ACTC1: variants seen among roughly 807,000 people sequenced by gnomAD.
The protein encoded by ACTC1 is actin alpha cardiac muscle 1.
A neutral mutation model predicts 31.6 loss-of-function variants in ACTC1; 10 were observed. That is an observed-to-expected ratio of 0.32 (90% CI 0.19 to 0.54). The LOEUF (loss-of-function observed/expected upper bound fraction) is 0.54, where lower values mean the gene tolerates loss of function less well. Among genes scored for constraint, ACTC1 ranks in the 20% least tolerant of loss-of-function variants. The pLI is 0.95. For missense variants in ACTC1, 129 were observed against 506.4 expected, an observed-to-expected ratio of 0.25 and a Z score of 7.15; for synonymous variants, 196 against 185.0, an observed-to-expected ratio of 1.06 and a Z score of -0.48.
In ACTC1 at chr15:34,792,320, A is replaced by C. The variant is rs770486092; in HGVS notation, c.617-39T>G. On this transcript the variant is annotated intron_variant, in intron 4 of 6. Coordinates refer to ENST00000290378, the MANE Select transcript of ACTC1 (RefSeq NM_005159.5). This position sits in a 1 kb window ranked among gnomAD's most constrained non-coding sequence, Gnocchi z 5.3. ...GAGTATCACAGTCATGCTCTGAAGC[A>C]AGAAGTCAATTATAGGGAGGTAGGC... is the stretch of plus-strand genomic sequence containing the variant. 6.2e-7 allele frequency: 1 copy of C among 1,614,020 alleles called. No individual in the cohort carries two copies. The highest frequency in any genetic ancestry group is 8.5e-7 in the Non-Finnish European group (1 of 1,179,966).
intron 5 of ACTC1, 90 bp from the exon 6 acceptor site, chr15:34,791,385 G>A: frequency 6.5e-7 from 1 of 1,534,538 alleles, no homozygotes; most frequent in Non-Finnish European, 8.9e-7. Context: ...GTAGAGGGAA[G>A]AGAACAGAAC....
chr15:34,791,588 G>T (rs868660046), intron 5 of ACTC1: 8 of 446,334 alleles, frequency 1.8e-5, no homozygotes, highest in Admixed American at 7.3e-5. Flanking sequence ...ATTGGAAAAG[G>T]AAAAGATACA....
In ACTC1 at chr15:34,793,659, A is replaced by G; in HGVS notation, c.130-90T>C. 8.4e-7 allele frequency: 1 copy of G among 1,184,770 alleles called. No individual in the cohort carries two copies. Among genetic ancestry groups the G allele is most frequent in the Non-Finnish European group, 1.2e-6 (1 of 809,032 alleles). The allele number at this position is 1,184,770 out of a possible 1,614,324, so 73.4% of individuals were successfully genotyped here. ...CCATTTATATCTAACTGCCCAAGTC[A>G]AGGAACATATTTAAATACCAGAAAT... is the stretch of plus-strand genomic sequence containing the variant. On this transcript the variant is annotated intron_variant, in intron 2 of 6. Transcript: ENST00000290378. This position sits in a 1 kb window ranked among gnomAD's most constrained non-coding sequence, Gnocchi z 4.8.
Position 34,792,891 on chromosome 15 carries a change from G to T in ACTC1, c.455-322C>A, listed in dbSNP as rs778759531. On this transcript the variant is annotated intron_variant, in intron 3 of 6. Coordinates refer to ENST00000290378, the MANE Select transcript of ACTC1 (RefSeq NM_005159.5). The surrounding 1 kb of genome is among the most constrained non-coding windows in gnomAD (Gnocchi z 5.3). ...TTCTTTGCTCCTATTGAACTTACAC[G>T]TTTCTCTCTCTTTTGACTCAGACCC... The T allele has an allele frequency of 4.0e-6, 2 of 502,980 alleles. No individual in the cohort carries two copies. Among genetic ancestry groups the T allele is most frequent in the African/African-American group, 3.9e-5 (2 of 51,724 alleles). 31.2% of individuals were successfully genotyped at this position (502,980 alleles called of 1,614,324 possible).
Position 34,792,373 on chromosome 15 carries a change from A to T in ACTC1, c.616+35T>A. The stretch of plus-strand genomic sequence containing the variant: ...ATTCAGTGAGAGAGGAGGAAAGCAG[A>T]CCCACACTGTGGCAGATGAGACACA... On this transcript the variant is annotated intron_variant, in intron 4 of 6. Coordinates refer to ENST00000290378, the MANE Select transcript of ACTC1 (RefSeq NM_005159.5). This position sits in a 1 kb window ranked among gnomAD's most constrained non-coding sequence, Gnocchi z 5.3. 6.2e-7 allele frequency: 1 copy of T among 1,614,130 alleles called. No homozygotes were observed. The highest frequency in any genetic ancestry group is 1.1e-5 in the South Asian group (1 of 91,074).
chr15:34,795,154 G>C (rs1310610927), intron 1 of ACTC1, among the ~76,000 whole-genome samples: 1 of 151,916 alleles, frequency 6.6e-6, no homozygotes, highest in Admixed American at 6.6e-5. Flanking sequence ...TCCTTTTCAC[G>C]AACTGGGAAC....
Position 34,792,668 on chromosome 15 carries a change from T to C in ACTC1, c.455-99A>G, listed in dbSNP as rs1459450052. 4 of 1,264,292 alleles carry C rather than the reference T, an allele frequency of 3.2e-6. No individual in the cohort carries two copies. The African/African-American group carries it at 4.4e-5, about 14-fold the overall frequency. 78.3% of individuals were successfully genotyped at this position (1,264,292 alleles called of 1,614,324 possible). A position where few individuals can be genotyped will look rare whatever the true frequency, so the allele number is the denominator to read the frequency against. The stretch of plus-strand genomic sequence containing the variant: ...GCTTCCAATCTTGGCTAAGAGATGC[T>C]AGCAATGGGCATTGATCCAGATAAA... On this transcript the variant is annotated intron_variant, in intron 3 of 6. Coordinates refer to ENST00000290378, the MANE Select transcript of ACTC1 (RefSeq NM_005159.5). The surrounding 1 kb of genome is among the most constrained non-coding windows in gnomAD (Gnocchi z 5.3).
rs530906320 is a variant in ACTC1, at chr15:34,790,726, T to C, written c.991-171A>G. 1.8e-4 allele frequency among the ~76,000 whole-genome samples: 28 copies of C among 152,334 alleles called. No individual in the cohort carries two copies. The South Asian group carries it at 5.2e-3, about 28-fold the overall frequency. ...CAATCAAGTTATATGAACTCACCTCTATTTCATCATTTATATTATTAAAGA... is the reference window on the plus strand; with the variant it reads ...CAATCAAGTTATATGAACTCACCTCCATTTCATCATTTATATTATTAAAGA... On this transcript the variant is annotated intron_variant, in intron 6 of 6. Transcript: ENST00000290378.
At chr15:34,794,953 G>GC in intron 1 of ACTC1, 123 bp from the exon 2 acceptor site, 11 of 661,960 alleles carry the variant, frequency 1.7e-5, no homozygotes, top group East Asian at 8.2e-5. Context: ...GTTGGGCGGG[G>GC]AACACTCCTG....
intron 1 of ACTC1, 63 bp from the exon 2 acceptor site, chr15:34,794,893 AC>A: frequency 7.2e-7 from 1 of 1,380,960 alleles, no homozygotes; most frequent in Non-Finnish European, 9.7e-7. Flanking sequence ...CCTTCTCCGC[AC>A]CCAGAGGACA....
In ACTC1 at chr15:34,792,935, C is replaced by G; in HGVS notation, c.454+310G>C. The G allele has an allele frequency of 1.9e-6, 1 of 517,358 alleles. No homozygotes were observed. The highest frequency in any genetic ancestry group is 2.1e-5 in the South Asian group (1 of 46,562). The allele number at this position is 517,358 out of a possible 1,614,324, so 32.0% of individuals were successfully genotyped here. ...CAGACCCTGTATGGAATGTATTCTCCTTGGGGATGCTTGCCCAGGTGATGT... is the reference window on the plus strand; with the variant it reads ...CAGACCCTGTATGGAATGTATTCTCGTTGGGGATGCTTGCCCAGGTGATGT... On this transcript the variant is annotated intron_variant, in intron 3 of 6. Transcript: ENST00000290378. This position sits in a 1 kb window ranked among gnomAD's most constrained non-coding sequence, Gnocchi z 5.3.
intron 5 of ACTC1, 144 bp from the exon 6 acceptor site, chr15:34,791,439 T>TGTTC: frequency 8.5e-7 from 1 of 1,178,750 alleles, no homozygotes; most frequent in Admixed American, 2.0e-5. Context: ...CTGAAACATA[T>TGTTC]GTTCCCCTAT....
chr15:34,795,014 A>C (rs1420619310), intron 1 of ACTC1, among the ~76,000 whole-genome samples, 184 bp from the exon 2 acceptor site: 1 of 152,124 alleles, frequency 6.6e-6, no homozygotes, highest in African/African-American at 2.4e-5. Flanking sequence ...GCCGCGGAGG[A>C]GACTGGGGAC....
rs1411090601 is a variant in ACTC1, at chr15:34,794,825, G to C, written c.-17C>G. Reference sequence around the variant, plus strand: ...GTCACACATCTTGGCACAGCTTCAGGGGGTTCTGCAGGTTGAGGAGGGGAG... The same window carrying C: ...GTCACACATCTTGGCACAGCTTCAGCGGGTTCTGCAGGTTGAGGAGGGGAG... On this transcript the variant is annotated 5_prime_UTR_variant, in exon 2 of 7. Coordinates refer to ENST00000290378, the MANE Select transcript of ACTC1 (RefSeq NM_005159.5). 2.5e-6 allele frequency: 4 copies of C among 1,611,026 alleles called. No homozygotes were observed. The highest frequency in any genetic ancestry group is 1.7e-4 in the Middle Eastern group (1 of 6,058).
In ACTC1 at chr15:34,794,671, G is replaced by A; in HGVS notation, c.129+9C>T. ...CCGAGTGGGACGGGGGGCTCGGCGGGAAGTTTACCTGGTGCCGCGGGCGGC... is the reference window on the plus strand; with the variant it reads ...CCGAGTGGGACGGGGGGCTCGGCGGAAAGTTTACCTGGTGCCGCGGGCGGC... On this transcript the variant is annotated intron_variant, in intron 2 of 6. Coordinates refer to ENST00000290378, the MANE Select transcript of ACTC1 (RefSeq NM_005159.5). The A allele has an allele frequency of 1.2e-6, 2 of 1,610,836 alleles. No individual in the cohort carries two copies. The highest frequency in any genetic ancestry group is 1.1e-5 in the South Asian group (1 of 90,896).
chr15:34,795,351 TAAAA>T (rs3059225), intron 1 of ACTC1, among the ~76,000 whole-genome samples, 151 bp downstream of exon 1: 2 of 136,578 alleles, frequency 1.5e-5, no homozygotes, highest in African/African-American at 5.3e-5. Context: ...GTGTGGGCTT[TAAAA>T]AAAAAAAAAA....
rs730880407 is a variant in ACTC1, at chr15:34,790,434, A to G, written c.1112T>C (p.Ile371Thr). 4 of 1,614,080 alleles carry G rather than the reference A, an allele frequency of 2.5e-6. No individual in the cohort carries two copies. Among genetic ancestry groups the G allele is most frequent in the Non-Finnish European group, 3.4e-6 (4 of 1,179,994 alleles). The change falls in exon 7 of 7, where the codon ATT (isoleucine) becomes ACT (threonine). Residue 371 changes from isoleucine (I) to threonine (T), a missense_variant. Physicochemically the swap from Ile to Thr is moderately conservative, Grantham distance 89. Coordinates refer to ENST00000290378, the MANE Select transcript of ACTC1 (RefSeq NM_005159.5). ...ATCTTAGAAGCATTTGCGGTGGACA[A>G]TGGATGGGCCTGCCTCATCGTACTC... ...KQEYDEAGPS[I>T]VHRKCF
chr15:34,791,969 TG>T, intron 5 of ACTC1, 120 bp downstream of exon 5: 1 of 1,035,200 alleles, frequency 9.7e-7, no homozygotes, highest in Non-Finnish European at 1.5e-6. Flanking sequence ...TTGAGCTGTG[TG>T]GGAATCCAAA....
chr15:34,791,942 G>A (rs1891714400), intron 5 of ACTC1, 148 bp downstream of exon 5: 13 of 748,816 alleles, frequency 1.7e-5, no homozygotes, highest in East Asian at 2.7e-5. Context: ...CCTTTAATGA[G>A]CCATCAGGAC....
Sources: gnomAD v4.1 joint callset for allele counts (sites outside exome capture counted in the v4.1 genomes callset) on GRCh38, gnomAD v4.1.1 for gene constraint, Gnocchi (gnomAD v3.1) non-coding constraint, MANE v1.5 for transcripts, NCBI Gene and HGNC (gene_info 2026-07-23, HGNC 2026-07-21) for gene names.